SULT1E1: variants seen among roughly 807,000 people sequenced by gnomAD.
The protein encoded by SULT1E1 is sulfotransferase family 1E member 1, also known as sulfotransferase 1E1.
Under a neutral mutation model 33.6 loss-of-function variants are expected in SULT1E1, and 36 were observed. The ratio of observed to expected loss-of-function variants is 1.07; its 90% confidence interval spans 0.82 to 1.41. SULT1E1 has a LOEUF of 1.41. Ranked by LOEUF, SULT1E1 falls within the 40% of genes most tolerant of loss-of-function variation. The pLI, the probability that SULT1E1 is intolerant of heterozygous loss-of-function variation, is 0.00. For missense variants in SULT1E1, 371 were observed against 345.7 expected, an observed-to-expected ratio of 1.07 and a Z score of -0.58; for synonymous variants, 121 against 111.7, an observed-to-expected ratio of 1.08 and a Z score of -0.53.
chr4:69,828,176 G>A, the SULT1E1 span, among the ~76,000 whole-genome samples: 1 of 152,192 alleles, frequency 6.6e-6, no homozygotes, highest in Admixed American at 6.5e-5. Flanking sequence ...TTAATCTCCT[G>A]TCCTTGATGA....
chr4:69,832,679 A>AC, the SULT1E1 span, among the ~76,000 whole-genome samples: 773 of 150,598 alleles, frequency 5.1e-3, 6 homozygotes, highest in African/African-American at 0.017. Flanking sequence ...TCATCTTGCG[A>AC]CCCCCCCACC....
At chr4:69,833,207 G>A in the SULT1E1 span, among the ~76,000 whole-genome samples, 1 of 152,094 alleles carries the variant, frequency 6.6e-6, no homozygotes, top group Non-Finnish European at 1.5e-5. Flanking sequence ...TTTTAGATGA[G>A]GGATATGATA....
At chr4:69,840,179 T>C (rs1720857530), downstream of SULT1E1, among the ~76,000 whole-genome samples, 2 of 152,160 alleles carry the variant, frequency 1.3e-5, no homozygotes, top group African/African-American at 4.8e-5. Flanking sequence ...GACTCTCCAA[T>C]TTTTGTATAA....
At chr4:69,852,905 G>C (rs954238858) in intron 4 of SULT1E1, among the ~76,000 whole-genome samples, 2 of 151,996 alleles carry the variant, frequency 1.3e-5, no homozygotes, top group Non-Finnish European at 2.9e-5. Context: ...AAGTGTCTTG[G>C]TCAAATCTCT....
downstream of SULT1E1, among the ~76,000 whole-genome samples, chr4:69,836,560 T>C (rs949371611): frequency 6.6e-6 from 1 of 152,188 alleles, no homozygotes; most frequent in Non-Finnish European, 1.5e-5. Flanking sequence ...CCTGGGGCCT[T>C]ATAATATTCA....
chr4:69,857,360 C>T, intron 2 of SULT1E1, 140 bp downstream of exon 2: 1 of 1,049,762 alleles, frequency 9.5e-7, no homozygotes, highest in South Asian at 2.0e-5. Flanking sequence ...AATAGAGCTA[C>T]CTTTTCTATG....
At chr4:69,844,070 A>C in intron 7 of SULT1E1, 91 bp downstream of exon 7, 2 of 1,164,596 alleles carry the variant, frequency 1.7e-6, no homozygotes, top group Non-Finnish European at 2.6e-6. Flanking sequence ...AGCTGGGTTC[A>C]TAGGCATTAA....
chr4:69,821,767 G>T, the SULT1E1 span, among the ~76,000 whole-genome samples: 5 of 152,256 alleles, frequency 3.3e-5, no homozygotes, highest in African/African-American at 1.2e-4. Flanking sequence ...TTAAAGCTAT[G>T]ATAGTAAATA....
chr4:69,823,911 G>A, the SULT1E1 span, among the ~76,000 whole-genome samples: 9 of 152,008 alleles, frequency 5.9e-5, no homozygotes, highest in East Asian at 3.9e-4. Context: ...TTCAATGTCC[G>A]GGTCCCTGAG....
At chr4:69,823,131 A>C in the SULT1E1 span, among the ~76,000 whole-genome samples, 1 of 152,194 alleles carries the variant, frequency 6.6e-6, no homozygotes, top group East Asian at 1.9e-4. Context: ...TCAACGTCCA[A>C]AGACTGGGCC....
intron 2 of SULT1E1, among the ~76,000 whole-genome samples, chr4:69,856,695 G>A (rs1242275016): frequency 6.6e-6 from 1 of 152,092 alleles, no homozygotes; most frequent in Non-Finnish European, 1.5e-5. Context: ...AGCACTTTGG[G>A]AGGCCGAGGC....
chr4:69,821,978 GTA>G, the SULT1E1 span, among the ~76,000 whole-genome samples: 5 of 152,294 alleles, frequency 3.3e-5, no homozygotes, highest in Admixed American at 1.3e-4. Flanking sequence ...TGTTAATTAT[GTA>G]TAGTTGCTCA....
the SULT1E1 span, among the ~76,000 whole-genome samples, chr4:69,831,294 G>T: frequency 6.6e-6 from 1 of 152,130 alleles, no homozygotes; most frequent in African/African-American, 2.4e-5. Flanking sequence ...TGCCAGCATG[G>T]CTGATTTTAC....
chr4:69,855,196 C>T, intron 3 of SULT1E1, 105 bp downstream of exon 3: 1 of 1,200,408 alleles, frequency 8.3e-7, no homozygotes, highest in African/African-American at 1.5e-5. Flanking sequence ...ATGTAGAAGA[C>T]CTGATACTAA....
chr4:69,824,533 C>G, the SULT1E1 span, among the ~76,000 whole-genome samples: 1 of 152,100 alleles, frequency 6.6e-6, no homozygotes, highest in South Asian at 2.1e-4. Flanking sequence ...AATTTGGGAT[C>G]CAGACGCAGC....
chr4:69,824,505 G>A, the SULT1E1 span, among the ~76,000 whole-genome samples: 1 of 152,122 alleles, frequency 6.6e-6, no homozygotes, highest in Admixed American at 6.6e-5. Context: ...TCACATAATG[G>A]TTTAGCCATG....
At chr4:69,858,907 G>C (rs1721308540) in intron 1 of SULT1E1, among the ~76,000 whole-genome samples, 1 of 152,124 alleles carries the variant, frequency 6.6e-6, no homozygotes, top group Non-Finnish European at 1.5e-5. Flanking sequence ...CTTATAGTCA[G>C]CTGGGAGTGG....
At chr4:69,823,281 A>C in the SULT1E1 span, among the ~76,000 whole-genome samples, 1 of 152,178 alleles carries the variant, frequency 6.6e-6, no homozygotes, top group African/African-American at 2.4e-5. Context: ...CATGCAGCCC[A>C]GATGGTCGTT....
At chr4:69,830,860 T>A in the SULT1E1 span, among the ~76,000 whole-genome samples, 1 of 152,178 alleles carries the variant, frequency 6.6e-6, no homozygotes, top group South Asian at 2.1e-4. Context: ...GCATGATGCT[T>A]CCAGTTCATG....
Sources: gnomAD v4.1 joint callset for allele counts (sites outside exome capture counted in the v4.1 genomes callset) on GRCh38, gnomAD v4.1.1 for gene constraint, MANE v1.5 for transcripts, NCBI Gene and HGNC (gene_info 2026-07-23, HGNC 2026-07-21) for gene names.